The following FMN1 variants were observed in gnomAD, a reference collection of about 807,000 sequenced individuals.
The protein encoded by FMN1 is formin-1.
Under a neutral mutation model 132.4 loss-of-function variants are expected in FMN1, and 110 were observed. The ratio of observed to expected loss-of-function variants is 0.83; its 90% CI spans 0.71 to 0.97. The LOEUF is 0.97. Ranked by LOEUF, FMN1 falls within the 50% of genes least tolerant of loss-of-function variation. The pLI, the probability that FMN1 is intolerant of heterozygous loss-of-function variation, is 0.00. For synonymous variants in FMN1, 722 were observed against 651.7 expected (o/e 1.11, Z -1.64); for missense variants, 1,792 against 1,705.3 (o/e 1.05, Z -0.90).
At chr15:32,924,400 G>C (rs1445332767) in intron 10 of FMN1, among the ~76,000 whole-genome samples, 1 of 152,142 alleles carries the variant, frequency 6.6e-6, no homozygotes, top group Non-Finnish European at 1.5e-5. Context: ...ATGCTCCCTT[G>C]AATGGAAAAG....
At chr15:33,085,378 A>T (rs1293244113) in intron 5 of FMN1, among the ~76,000 whole-genome samples, 1 of 152,144 alleles carries the variant, frequency 6.6e-6, no homozygotes, top group African/African-American at 2.4e-5. Flanking sequence ...GGAAGGAAAC[A>T]CAGGGCCCAA....
At chr15:33,062,261 G>A (rs77405173) in intron 6 of FMN1, among the ~76,000 whole-genome samples, 6,146 of 152,164 alleles carry the variant, frequency 0.04, 430 homozygotes, top group African/African-American at 0.14. Flanking sequence ...AAGACTTACA[G>A]TAGTTATTTA....
chr15:32,851,580 G>GA (rs2059009668), intron 17 of FMN1, among the ~76,000 whole-genome samples: 1 of 152,108 alleles, frequency 6.6e-6, no homozygotes, highest in African/African-American at 2.4e-5. Flanking sequence ...AGACACGTAA[G>GA]AAAAAAGGCA....
intron 6 of FMN1, among the ~76,000 whole-genome samples, chr15:33,008,481 C>CA (rs1238662379): frequency 6.6e-6 from 1 of 151,516 alleles, no homozygotes; most frequent in Non-Finnish European, 1.5e-5. Context: ...TCAGAGCACT[C>CA]TATTTTTAAC....
At chr15:32,858,792 C>A (rs1432888464) in intron 16 of FMN1, among the ~76,000 whole-genome samples, 1 of 151,994 alleles carries the variant, frequency 6.6e-6, no homozygotes, top group Non-Finnish European at 1.5e-5. Context: ...TTTTTCCTTT[C>A]TTTGTAAGCC....
chr15:32,863,253 C>T (rs984326806), intron 16 of FMN1, among the ~76,000 whole-genome samples: 14 of 152,156 alleles, frequency 9.2e-5, no homozygotes, highest in Non-Finnish European at 1.5e-4. Flanking sequence ...CTGCCTAACA[C>T]GGTGAAACCC....
rs1281698107 is a variant in FMN1 at position 32,785,216 on chromosome 15, A to ATTTTTTTT, written c.4131-8298_4131-8297insAAAAAAAA. On this transcript the variant is annotated intron_variant, in intron 19 of 20. Coordinates refer to ENST00000616417, the MANE Select transcript of FMN1 (RefSeq NM_001277313.2). ...TGTGTGTGTGTATATATATATATAT[A>ATTTTTTTT]TATTTTTTTTTTTTTTTTTTTGTAG... Among the ~76,000 whole-genome samples the ATTTTTTTT allele has an allele frequency of 6.5e-4, 13 of 20,080 alleles. 2 individuals are homozygous for ATTTTTTTT. The highest frequency in any genetic ancestry group is 1.1e-3 in the African/African-American group (8 of 7,238). The allele number at this position is 20,080 out of a possible 152,430, so 13.2% of individuals were successfully genotyped here.
intron 7 of FMN1, among the ~76,000 whole-genome samples, chr15:32,989,097 A>G (rs1026388966): frequency 6.6e-6 from 1 of 151,548 alleles, no homozygotes; most frequent in African/African-American, 2.4e-5. Flanking sequence ...TTTGAAAAAT[A>G]TTACCTGTGA....
At chr15:32,928,787 G>T (rs535390191) in intron 9 of FMN1, among the ~76,000 whole-genome samples, 1 of 152,130 alleles carries the variant, frequency 6.6e-6, no homozygotes, top group Non-Finnish European at 1.5e-5. Flanking sequence ...TTCTTCAAAT[G>T]AACACGCACC....
rs1216955836 is a variant in FMN1 at position 32,772,875 on chromosome 15, G to C, written c.*1435C>G. On this transcript the variant is annotated 3_prime_UTR_variant, in exon 21 of 21. Transcript: ENST00000616417. ...ATGCTCAGGCACCTGGCAAGTCCAG[G>C]GGTTCTGGAAAGATGCTGGGGCAAG... 1 of 152,894 alleles carries C rather than the reference G, an allele frequency of 6.5e-6. No homozygotes were observed. Among genetic ancestry groups the C allele is most frequent in the Non-Finnish European group, 1.5e-5 (1 of 68,618 alleles). The allele number at this position is 152,894 out of a possible 1,614,324, so 9.5% of individuals were successfully genotyped here.
chr15:33,008,177 C>G (rs1161777117), intron 6 of FMN1, 102 bp from the exon 7 acceptor site: 1 of 866,300 alleles, frequency 1.2e-6, no homozygotes, highest in South Asian at 1.5e-5. Flanking sequence ...ATAAATGCCA[C>G]AATTTGACAT....
chr15:32,861,206 T>C (rs113802295), intron 16 of FMN1, among the ~76,000 whole-genome samples: 5 of 152,384 alleles, frequency 3.3e-5, no homozygotes, highest in African/African-American at 9.6e-5. Context: ...TAATAGGATA[T>C]AATCGAACGC....
At chr15:33,014,609 G>A (rs1023764698) in intron 6 of FMN1, among the ~76,000 whole-genome samples, 1 of 152,146 alleles carries the variant, frequency 6.6e-6, no homozygotes, top group South Asian at 2.1e-4. Flanking sequence ...AAAGGAGTAA[G>A]GCTCCTAACT....
At chr15:32,777,667 C>CGT (rs2056486347) in intron 19 of FMN1, among the ~76,000 whole-genome samples, 1 of 102,712 alleles carries the variant, frequency 9.7e-6, no homozygotes, top group Non-Finnish European at 2.0e-5. Context: ...TTACGTATAA[C>CGT]ATAACACATT....
At chr15:33,008,704 T>G (rs1009070819) in intron 6 of FMN1, among the ~76,000 whole-genome samples, 14 of 152,294 alleles carry the variant, frequency 9.2e-5, no homozygotes, top group Admixed American at 5.9e-4. Context: ...AAGTCCCAAG[T>G]GTACGTAAGA....
At chr15:32,800,034 G>A (rs1000924809) in intron 18 of FMN1, among the ~76,000 whole-genome samples, 8 of 151,950 alleles carry the variant, frequency 5.3e-5, no homozygotes, top group East Asian at 1.9e-4. Flanking sequence ...ATTCAATGGC[G>A]ATTGTAAAAC....
intron 6 of FMN1, among the ~76,000 whole-genome samples, chr15:33,042,551 G>C (rs2036488011): frequency 1.3e-5 from 2 of 152,072 alleles, no homozygotes; most frequent in African/African-American, 2.4e-5. Context: ...AAATACATCA[G>C]CCAAAAATGA....
chr15:32,976,522 T>C (rs767372133), intron 7 of FMN1, among the ~76,000 whole-genome samples: 4 of 152,328 alleles, frequency 2.6e-5, no homozygotes, highest in East Asian at 1.9e-4. Flanking sequence ...GAGAATGGCA[T>C]TGGGTTTGAT....
chr15:32,862,751 G>C lies in FMN1; in HGVS notation c.3836-5644C>G, dbSNP rs12591190. 5.0e-3 allele frequency among the ~76,000 whole-genome samples: 767 copies of C among 152,312 alleles called. 34 individuals are homozygous for C. The East Asian group carries it at 0.093, about 19-fold the overall frequency. On this transcript the variant is annotated intron_variant, in intron 16 of 20. Transcript: ENST00000616417. ...AATGTATGTGGGCAATTGGTATGAA[G>C]ATATGAAACTTGTTTCTTTTTGTAT...
Sources: allele counts gnomAD v4.1 joint callset (sites outside exome capture counted in the v4.1 genomes callset), GRCh38; gene constraint gnomAD v4.1.1; transcripts MANE v1.5; gene names NCBI Gene and HGNC (gene_info 2026-07-23, HGNC 2026-07-21).